The following ARK2C variants were observed in gnomAD, a reference collection of about 807,000 sequenced individuals.
ARK2C encodes the protein arkadia (RNF111) C-terminal like ring finger ubiquitin ligase 2C.
the ARK2C span, among the ~76,000 whole-genome samples, chr18:46,428,535 C>T: frequency 2.6e-5 from 4 of 152,214 alleles, no homozygotes; most frequent in Non-Finnish European, 5.9e-5. Flanking sequence ...ATGCTTTGCT[C>T]TGTGTACGGA....
chr18:46,416,888 T>C, the ARK2C span, among the ~76,000 whole-genome samples: 1 of 152,214 alleles, frequency 6.6e-6, no homozygotes, highest in African/African-American at 2.4e-5. Flanking sequence ...CTACCTTCTA[T>C]TGGCCTAAGC....
the ARK2C span, among the ~76,000 whole-genome samples, chr18:46,417,498 G>T: frequency 0.019 from 2,961 of 152,322 alleles, 109 homozygotes; most frequent in African/African-American, 0.067. Context: ...CACTTTGCCT[G>T]GATATCTGCC....
the ARK2C span, among the ~76,000 whole-genome samples, chr18:46,395,029 G>A: frequency 6.6e-6 from 1 of 152,226 alleles, no homozygotes; most frequent in African/African-American, 2.4e-5. Flanking sequence ...GAATCTGCCA[G>A]AAACTCAGAA....
At chr18:46,349,195 A>G in the ARK2C span, among the ~76,000 whole-genome samples, 1 of 152,168 alleles carries the variant, frequency 6.6e-6, no homozygotes, top group African/African-American at 2.4e-5. Flanking sequence ...GACTGCAGTA[A>G]CAAAATGCCA....
chr18:46,371,855 G>T, the ARK2C span, among the ~76,000 whole-genome samples: 2 of 152,220 alleles, frequency 1.3e-5, no homozygotes, highest in Non-Finnish European at 2.9e-5. Flanking sequence ...TTGTACTGCA[G>T]CATCCTCGCT....
chr18:46,393,989 C>A, the ARK2C span, among the ~76,000 whole-genome samples: 1 of 152,194 alleles, frequency 6.6e-6, no homozygotes, highest in Admixed American at 6.5e-5. Context: ...TGGGGCTGGC[C>A]CCTGGCATCA....
chr18:46,441,724 TA>T, the ARK2C span, among the ~76,000 whole-genome samples: 1 of 150,556 alleles, frequency 6.6e-6, no homozygotes, highest in African/African-American at 2.5e-5. Flanking sequence ...CCGTCTCTAC[TA>T]AAAATACAAA....
the ARK2C span, chr18:46,334,236 C>T: frequency 2.1e-6 from 3 of 1,404,034 alleles, no homozygotes; most frequent in Admixed American, 2.5e-5. This position sits in a 1 kb window ranked among gnomAD's most constrained non-coding sequence, Gnocchi z 4.4. Context: ...AAAGGGCCCG[C>T]GCGCAGCCGC....
the ARK2C span, among the ~76,000 whole-genome samples, chr18:46,375,950 ATCT>A: frequency 1.3e-5 from 2 of 152,124 alleles, no homozygotes; most frequent in Non-Finnish European, 2.9e-5. Flanking sequence ...GAGTGACTTA[ATCT>A]TCTTTTGCTT....
chr18:46,387,490 GA>G, the ARK2C span, among the ~76,000 whole-genome samples: 2 of 152,382 alleles, frequency 1.3e-5, no homozygotes, highest in African/African-American at 4.8e-5. Context: ...GACTAGGGGA[GA>G]AACTTGTCCC....
the ARK2C span, among the ~76,000 whole-genome samples, chr18:46,405,805 G>A: frequency 2.0e-5 from 3 of 152,070 alleles, no homozygotes; most frequent in Non-Finnish European, 2.9e-5. Context: ...GATGGTGAGA[G>A]GTTCTTAAGG....
At chr18:46,410,258 G>T in the ARK2C span, among the ~76,000 whole-genome samples, 1 of 152,172 alleles carries the variant, frequency 6.6e-6, no homozygotes, top group East Asian at 1.9e-4. Flanking sequence ...TCTCACCTTG[G>T]CTTTTCTGCT....
chr18:46,455,878 T>TG, the ARK2C span: 3 of 688,986 alleles, frequency 4.4e-6, no homozygotes, highest in African/African-American at 5.4e-5. Context: ...TTAAAAAACC[T>TG]GACTCCCAGG....
the ARK2C span, among the ~76,000 whole-genome samples, chr18:46,382,552 T>C: frequency 1.3e-5 from 2 of 152,230 alleles, no homozygotes; most frequent in Non-Finnish European, 2.9e-5. Context: ...TTTTACTTAC[T>C]ACTGAGAGTA....
At chr18:46,396,079 T>C in the ARK2C span, among the ~76,000 whole-genome samples, 3 of 152,178 alleles carry the variant, frequency 2.0e-5, no homozygotes, top group South Asian at 6.2e-4. Flanking sequence ...AAGGCAGGAA[T>C]CTTAGAGACA....
chr18:46,374,214 A>C, the ARK2C span, among the ~76,000 whole-genome samples: 1 of 152,152 alleles, frequency 6.6e-6, no homozygotes, highest in Admixed American at 6.5e-5. Flanking sequence ...CCACCAAAAT[A>C]GTTTTTTTTC....
chr18:46,394,796 AG>A, the ARK2C span, among the ~76,000 whole-genome samples: 1 of 152,232 alleles, frequency 6.6e-6, no homozygotes, highest in Admixed American at 6.5e-5. Flanking sequence ...GTGTTTCTGC[AG>A]GATCCAAAGG....
the ARK2C span, among the ~76,000 whole-genome samples, chr18:46,452,190 CA>C: frequency 6.6e-6 from 1 of 152,168 alleles, no homozygotes; most frequent in African/African-American, 2.4e-5. Flanking sequence ...TTGATTGTAA[CA>C]AGTGTGCCAC....
chr18:46,388,527 G>A, the ARK2C span, among the ~76,000 whole-genome samples: 1 of 152,194 alleles, frequency 6.6e-6, no homozygotes, highest in Middle Eastern at 3.4e-3. Flanking sequence ...CTGTTTTTGT[G>A]GTGCACCTTG....
Sources: allele counts gnomAD v4.1 joint callset (sites outside exome capture counted in the v4.1 genomes callset), GRCh38; gene constraint gnomAD v4.1.1; non-coding constraint Gnocchi (gnomAD v3.1); transcripts MANE v1.5; gene names NCBI Gene and HGNC (gene_info 2026-07-23, HGNC 2026-07-21).